The following PROX1 variants were observed in gnomAD, a reference collection of about 807,000 sequenced individuals.
The protein encoded by PROX1 is prospero homeobox protein 1.
A neutral mutation model predicts 58.8 loss-of-function variants in PROX1; 7 were observed. The ratio of observed to expected loss-of-function variants is 0.12; its 90% confidence interval spans 0.07 to 0.22. The LOEUF (loss-of-function observed/expected upper bound fraction) is 0.22. Ranked by LOEUF, PROX1 falls within the 10% of genes least tolerant of loss-of-function variation. The pLI is 1.00. For synonymous variants in PROX1, 350 were observed against 358.3 expected, an observed-to-expected ratio of 0.98 and a Z score of 0.26; for missense variants, 675 against 927.8, an observed-to-expected ratio of 0.73 and a Z score of 3.54.
Position 214,036,006 on chromosome 1 carries a change from C to G in PROX1, c.*172C>G, listed in dbSNP as rs1224342334. 1.8e-6 allele frequency: 1 copy of G among 552,810 alleles called. No homozygotes were observed. The highest frequency in any genetic ancestry group is 4.0e-5 in the Admixed American group (1 of 24,774). The allele number at this position is 552,810 out of a possible 1,614,324, so 34.2% of individuals were successfully genotyped here. A position where few individuals can be genotyped will look rare whatever the true frequency, so the allele number is the denominator to read the frequency against. ...CGTTTCTCTCATTTTCTTTTGTTTT[C>G]CATTGCAAGGGGATGGTTGTTTTCT... On this transcript the variant is annotated 3_prime_UTR_variant, in exon 5 of 5. Transcript: ENST00000366958.
chr1:213,998,794 C>T (rs1489584525), intron 2 of PROX1, among the ~76,000 whole-genome samples: 3 of 152,122 alleles, frequency 2.0e-5, no homozygotes, highest in East Asian at 1.9e-4. Flanking sequence ...TTAGGAAGAG[C>T]GCTTTACAAG....
chr1:213,994,783 A>ATC (rs1558167588), intron 1 of PROX1, among the ~76,000 whole-genome samples: 2 of 85,940 alleles, frequency 2.3e-5, no homozygotes, highest in African/African-American at 7.9e-5. Context: ...ATATATATAT[A>ATC]TATATATATA....
Position 214,034,168 on chromosome 1 carries a change from A to G in PROX1, c.2029-1481A>G, listed in dbSNP as rs17021823. 3.7e-3 allele frequency among the ~76,000 whole-genome samples: 565 copies of G among 152,298 alleles called. 5 individuals carry two copies. The highest frequency in any genetic ancestry group is 0.013 in the African/African-American group (544 of 41,568). ...AATTAACTTGCCATAGGGAACAATG[A>G]ACTTCTTTGTCCAATTTTAAACGTG... On this transcript the variant is annotated intron_variant, in intron 4 of 4. Coordinates refer to ENST00000366958, the MANE Select transcript of PROX1 (RefSeq NM_001270616.2).
intron 4 of PROX1, among the ~76,000 whole-genome samples, chr1:214,028,227 G>C (rs1664525926): frequency 6.6e-6 from 1 of 152,118 alleles, no homozygotes; most frequent in African/African-American, 2.4e-5. Flanking sequence ...CCTGGATCCT[G>C]CTAGTTTTTC....
chr1:214,032,991 C>G (rs756762618), intron 4 of PROX1, among the ~76,000 whole-genome samples: 1 of 152,168 alleles, frequency 6.6e-6, no homozygotes, highest in Non-Finnish European at 1.5e-5. Context: ...TCATGCAAAT[C>G]CTACAACTAC....
At chr1:213,991,094 C>T (rs529160685) in intron 1 of PROX1, among the ~76,000 whole-genome samples, 109 of 152,104 alleles carry the variant, frequency 7.2e-4, no homozygotes, top group African/African-American at 2.0e-3. Context: ...GGGAGGAAAA[C>T]GAGAGTATTC....
chr1:214,008,553 C>T (rs189267528), intron 3 of PROX1, among the ~76,000 whole-genome samples: 1 of 152,298 alleles, frequency 6.6e-6, no homozygotes, highest in East Asian at 1.9e-4. Flanking sequence ...CTGACTTGCT[C>T]TAGAAGGTGA....
chr1:213,989,548 A>C (rs999711377), intron 1 of PROX1, among the ~76,000 whole-genome samples: 4 of 151,188 alleles, frequency 2.6e-5, no homozygotes, highest in African/African-American at 9.7e-5. Context: ...GAGGGAGGAC[A>C]GGAGAGGTGA....
Position 213,997,367 on chromosome 1 carries a change from A to T in PROX1, c.832A>T (p.Ser278Cys). 6.2e-7 allele frequency: 1 copy of T among 1,614,140 alleles called. No homozygotes were observed. Among genetic ancestry groups the T allele is most frequent in the Non-Finnish European group, 8.5e-7 (1 of 1,180,022 alleles). ...NDEDGNLSED[S>C]MRSEILDARA... Reference sequence around the variant, plus strand: ...TGAAGATGGTAACCTGTCTGAAGACAGCATGCGCTCGGAGATCCTGGATGC... The same window carrying T: ...TGAAGATGGTAACCTGTCTGAAGACTGCATGCGCTCGGAGATCCTGGATGC... Residue 278 changes from serine (S) to cysteine (C), a missense_variant, in exon 2 of 5, where the codon AGC (serine) becomes TGC (cysteine). Physicochemically the swap from Ser to Cys is moderately radical, Grantham distance 112. Around this residue, in one of 8 missense-constraint regions of PROX1, gnomAD observed 403 missense variants for 477.4 expected, o/e 0.84. Transcript: ENST00000366958. This position sits in a 1 kb window ranked among gnomAD's most constrained non-coding sequence, Gnocchi z 7.1.
intron 4 of PROX1, among the ~76,000 whole-genome samples, chr1:214,024,850 C>T (rs1664399447): frequency 6.6e-6 from 1 of 152,110 alleles, no homozygotes; most frequent in Non-Finnish European, 1.5e-5. Flanking sequence ...AAGAATGGCA[C>T]CAAGCTTGGC....
In PROX1 at chr1:214,035,709, A is replaced by G. The variant is rs1318875463; in HGVS notation, c.2089A>G (p.Ile697Val). 1 of 1,613,952 alleles carries G rather than the reference A, an allele frequency of 6.2e-7. No homozygotes were observed. The highest frequency in any genetic ancestry group is 2.2e-5 in the East Asian group (1 of 44,882). Residue 697 changes from isoleucine (I) to valine (V), a missense_variant, in exon 5 of 5, where the codon ATC (isoleucine) becomes GTC (valine). By Grantham distance (29) the Ile-to-Val change is conservative. Transcript: ENST00000366958. ...ITLREFFNAI[I>V]AGKDVDPSWK... ...ATTACGGGAGTTTTTCAATGCCATTATCGCAGGCAAAGATGTTGATCCTTC... is the reference window on the plus strand; with the variant it reads ...ATTACGGGAGTTTTTCAATGCCATTGTCGCAGGCAAAGATGTTGATCCTTC...
intron 4 of PROX1, among the ~76,000 whole-genome samples, chr1:214,013,597 G>A (rs570906534): frequency 1.1e-3 from 169 of 152,186 alleles, no homozygotes; most frequent in Non-Finnish European, 1.9e-3. Flanking sequence ...AACCTTACCT[G>A]GTTGGAATTT....
intron 4 of PROX1, among the ~76,000 whole-genome samples, 155 bp downstream of exon 4, chr1:214,011,870 T>C (rs542954166): frequency 1.3e-4 from 20 of 152,312 alleles, no homozygotes; most frequent in African/African-American, 4.8e-4. Context: ...GGAGCTTCCA[T>C]AGTCCCCATT....
intron 1 of PROX1, among the ~76,000 whole-genome samples, chr1:213,994,536 C>G (rs891141561): frequency 6.6e-6 from 1 of 151,660 alleles, no homozygotes; most frequent in Non-Finnish European, 1.5e-5. Context: ...TGACAGCTAA[C>G]CTGATTTATC....
intron 4 of PROX1, among the ~76,000 whole-genome samples, chr1:214,016,356 C>T (rs1664094922): frequency 6.6e-6 from 1 of 152,154 alleles, no homozygotes; most frequent in African/African-American, 2.4e-5. Context: ...GCATTGTCAT[C>T]TCTTTAAAGA....
At chr1:213,983,648 A>G (rs778098150), upstream of PROX1, 4 of 152,212 alleles carry the variant, frequency 2.6e-5, no homozygotes, top group Non-Finnish European at 5.9e-5. Flanking sequence ...AGTGTTGTAA[A>G]TTGTGTAAAT....
intron 1 of PROX1, among the ~76,000 whole-genome samples, chr1:213,994,527 G>A (rs2102687858): frequency 6.6e-6 from 1 of 151,786 alleles, no homozygotes; most frequent in South Asian, 2.1e-4. Flanking sequence ...TCTGTCATCT[G>A]ACAGCTAACC....
chr1:213,996,664 T>G lies in PROX1; in HGVS notation c.129T>G (p.Ser43Arg). 3.7e-6 allele frequency: 6 copies of G among 1,614,168 alleles called. No homozygotes were observed. Among genetic ancestry groups the G allele is most frequent in the Non-Finnish European group, 5.1e-6 (6 of 1,180,030 alleles). Residue 43 changes from serine (S) to arginine (R), a missense_variant, in exon 2 of 5, where the codon AGT becomes AGG. Physicochemically the swap from Ser to Arg is moderately radical, Grantham distance 110. Transcript: ENST00000366958. Reference sequence around the variant, plus strand: ...CTAAGGCAAGAGCAACGTTTTTTAGTGCCATGAATCCCCAAGGTTCTGAGC... The same window carrying G: ...CTAAGGCAAGAGCAACGTTTTTTAGGGCCATGAATCCCCAAGGTTCTGAGC... ...FFAKARATFF[S>R]AMNPQGSEQD...
chr1:214,036,065 T>A lies in PROX1; in HGVS notation c.*231T>A. 2.8e-6 allele frequency: 1 copy of A among 359,082 alleles called. No homozygotes were observed. Among genetic ancestry groups the A allele is most frequent in the Non-Finnish European group, 5.0e-6 (1 of 201,092 alleles). 22.2% of individuals were successfully genotyped at this position (359,082 alleles called of 1,614,324 possible). A position where few individuals can be genotyped will look rare whatever the true frequency, so the allele number is the denominator to read the frequency against. On this transcript the variant is annotated 3_prime_UTR_variant, in exon 5 of 5. Coordinates refer to ENST00000366958, the MANE Select transcript of PROX1 (RefSeq NM_001270616.2). The stretch of plus-strand genomic sequence containing the variant: ...TTAGTTTGCTTTTGCCCAAGGCCCT[T>A]AACATTTGGACACTTAAAATAGGGT...
Sources: allele counts gnomAD v4.1 joint callset (sites outside exome capture counted in the v4.1 genomes callset), GRCh38; gene constraint gnomAD v4.1.1; regional missense constraint gnomAD v4.1.1; non-coding constraint Gnocchi (gnomAD v3.1); transcripts MANE v1.5; gene names NCBI Gene and HGNC (gene_info 2026-07-23, HGNC 2026-07-21).